Variants in COL4A4 observed in about 807,000 individuals in gnomAD.
COL4A4 encodes collagen type IV alpha 4 chain.
In COL4A4, 105 loss-of-function variants were observed where a neutral mutation model predicts 192.9. The observed-to-expected ratio is 0.54, with a 90% confidence interval of 0.46 to 0.64. COL4A4 has a LOEUF of 0.64. Among genes scored for constraint, COL4A4 ranks in the 30% least tolerant of loss-of-function variants. COL4A4 has a pLI of 0.00. For missense variants in COL4A4, 1,967 were observed against 2,169.3 expected, an observed-to-expected ratio of 0.91 and a Z score of 1.85; for synonymous variants, 762 against 769.9, an observed-to-expected ratio of 0.99 and a Z score of 0.17.
chr2:227,055,939 A>G lies in COL4A4; in HGVS notation c.2716+6T>C, dbSNP rs1402647235. On this transcript the variant is annotated splice_donor_region_variant and intron_variant, in intron 30 of 47. Coordinates refer to ENST00000396625, the MANE Select transcript of COL4A4 (RefSeq NM_000092.5). ...GGGAGGACATCATGGAAAAAGCACTACCTACCCTTTGGACCTGGAGGACCA... is the reference window on the plus strand; with the variant it reads ...GGGAGGACATCATGGAAAAAGCACTGCCTACCCTTTGGACCTGGAGGACCA... 1.2e-6 allele frequency: 2 copies of G among 1,613,228 alleles called. No individual in the cohort carries two copies. The highest frequency in any genetic ancestry group is 1.7e-5 in the Admixed American group (1 of 59,892).
At chr2:226,979,123 AG>A in the COL4A4 span, among the ~76,000 whole-genome samples, 2 of 152,192 alleles carry the variant, frequency 1.3e-5, no homozygotes, top group African/African-American at 4.8e-5. Flanking sequence ...CTCAAAACAA[AG>A]GAAACCTGCA....
At chr2:226,979,526 G>A in the COL4A4 span, among the ~76,000 whole-genome samples, 2 of 152,140 alleles carry the variant, frequency 1.3e-5, no homozygotes, top group African/African-American at 4.8e-5. Context: ...AGATTCTCTA[G>A]GAGCCCGTTT....
chr2:227,029,823 T>G (rs1967867461), intron 41 of COL4A4, among the ~76,000 whole-genome samples: 2 of 152,298 alleles, frequency 1.3e-5, no homozygotes, highest in South Asian at 4.2e-4. Flanking sequence ...ATTCAGTGAT[T>G]CGGGATCTTT....
intron 12 of COL4A4, among the ~76,000 whole-genome samples, chr2:227,107,666 T>C (rs1384456983): frequency 6.6e-6 from 1 of 152,150 alleles, no homozygotes; most frequent in South Asian, 2.1e-4. Flanking sequence ...ATGCTTAATA[T>C]TGACTTGCCC....
chr2:227,026,701 G>A (rs773731838), intron 42 of COL4A4, among the ~76,000 whole-genome samples: 1 of 151,944 alleles, frequency 6.6e-6, no homozygotes, highest in Non-Finnish European at 1.5e-5. Flanking sequence ...AAATACACAT[G>A]TCTGTTTGCC....
At chr2:227,043,321 C>T (rs1054754776) in intron 35 of COL4A4, 137 bp from the exon 36 acceptor site, 4 of 763,524 alleles carry the variant, frequency 5.2e-6, no homozygotes, top group African/African-American at 1.7e-5. Context: ...AGGAAAATAA[C>T]GTTAAGGAAA....
the COL4A4 span, among the ~76,000 whole-genome samples, chr2:226,990,237 A>C: frequency 6.6e-6 from 1 of 152,182 alleles, no homozygotes; most frequent in Non-Finnish European, 1.5e-5. Flanking sequence ...ATGACTTAAC[A>C]ACCATCCTTT....
In COL4A4 at chr2:227,118,652, C is replaced by A. The variant is rs745672795; in HGVS notation, c.482G>T (p.Gly161Val). The A allele has an allele frequency of 1.1e-5, 17 of 1,612,096 alleles. No homozygotes were observed. Among genetic ancestry groups the A allele is most frequent in the Admixed American group, 5.0e-5 (3 of 60,014 alleles). The change falls in exon 7 of 48, where the codon GGC becomes GTC. Residue 161 changes from glycine to valine, a missense_variant. Physicochemically the swap from Gly to Val is moderately radical, Grantham distance 109. Transcript: ENST00000396625. ...GAACTGTGGGTATCTTACTAGGGGG[C>A]CTCCTGGGCCAAGAGCTCCTCTTCC... is the stretch of plus-strand genomic sequence containing the variant. Reference protein sequence around the residue: ...PGGRGALGPGGPLGHPGEKGE... With the variant: ...PGGRGALGPGVPLGHPGEKGE...
intron 4 of COL4A4, among the ~76,000 whole-genome samples, chr2:227,122,304 C>T (rs1164083659): frequency 1.3e-5 from 2 of 152,160 alleles, no homozygotes; most frequent in Non-Finnish European, 2.9e-5. Flanking sequence ...GTCAAGAGTT[C>T]GACTTGCAAT....
chr2:227,010,248 A>T (rs1281380678), intron 46 of COL4A4, 65 bp downstream of exon 46: 2 of 1,523,104 alleles, frequency 1.3e-6, no homozygotes, highest in Non-Finnish European at 1.8e-6. Context: ...GTGCTGATGA[A>T]TCAGTAAAAT....
intron 25 of COL4A4, among the ~76,000 whole-genome samples, chr2:227,067,503 T>C (rs2058421852): frequency 1.3e-5 from 2 of 152,056 alleles, no homozygotes; most frequent in East Asian, 3.9e-4. Flanking sequence ...AGAACAGAAA[T>C]TATAACAAAC....
At chr2:227,020,881 T>TTTTTTTTTC (rs1965884163) in intron 44 of COL4A4, among the ~76,000 whole-genome samples, 3 of 132,310 alleles carry the variant, frequency 2.3e-5, no homozygotes, top group African/African-American at 9.6e-5. Context: ...CACTTTTTTC[T>TTTTTTTTTC]TTTTTTTTTT....
chr2:227,059,476 C>A lies in COL4A4; in HGVS notation c.2312G>T (p.Gly771Val). The change falls in exon 28 of 48, where the codon GGA becomes GTA. Residue 771 changes from glycine to valine, a missense_variant. Transcript: ENST00000396625. Reference protein sequence around the residue: ...DPAFGHLGPPGKRGLSGVPGI... With the variant: ...DPAFGHLGPPVKRGLSGVPGI... ...TGGCACTCCTGAAAGACCCCTCTTT[C>A]CCGGGGGTCCCAGGTGACCAAATGC... 1 of 1,614,182 alleles carries A rather than the reference C, an allele frequency of 6.2e-7. No individual in the cohort carries two copies. The highest frequency in any genetic ancestry group is 8.5e-7 in the Non-Finnish European group (1 of 1,180,034).
rs1309282349 is a variant in COL4A4 at position 227,032,144 on chromosome 2, T to C, written c.3706+4A>G. ...AAAGAAGGGCAAAGCATGCTACAGC[T>C]TACCTGGGGGTCCTGGGGGACCTTT... is the stretch of plus-strand genomic sequence containing the variant. On this transcript the variant is annotated splice_donor_region_variant and intron_variant, in intron 39 of 47. Coordinates refer to ENST00000396625, the MANE Select transcript of COL4A4 (RefSeq NM_000092.5). 7.4e-6 allele frequency: 12 copies of C among 1,614,108 alleles called. No homozygotes were observed. The highest frequency in any genetic ancestry group is 1.0e-5 in the Non-Finnish European group (12 of 1,180,048).
intron 4 of COL4A4, among the ~76,000 whole-genome samples, chr2:227,137,859 T>C (rs1046823309): frequency 6.6e-6 from 1 of 152,198 alleles, no homozygotes; most frequent in African/African-American, 2.4e-5. Flanking sequence ...TTTTCCTTTT[T>C]GCATTTGTAC....
Position 227,082,148 on chromosome 2 carries a change from C to A in COL4A4, c.1663G>T (p.Ala555Ser). ...GASGPPGNKG[A>S]KGDMVVSRVK... is the part of the protein sequence containing the mutation. ...CTTGATACAACCATGTCACCCTTCGCCCCTTTGTTGCCAGGTGGTCCAGAG... is the reference window on the plus strand; with the variant it reads ...CTTGATACAACCATGTCACCCTTCGACCCTTTGTTGCCAGGTGGTCCAGAG... Residue 555 changes from alanine to serine, a missense_variant, in exon 23 of 48, where the codon GCG becomes TCG. Physicochemically the swap from Ala to Ser is moderately conservative, Grantham distance 99. Transcript: ENST00000396625. 1.2e-6 allele frequency: 2 copies of A among 1,614,156 alleles called. No homozygotes were observed. The highest frequency in any genetic ancestry group is 1.7e-6 in the Non-Finnish European group (2 of 1,180,012).
intron 12 of COL4A4, among the ~76,000 whole-genome samples, chr2:227,104,638 C>CTTTTT (rs373008018): frequency 1.8e-5 from 2 of 110,336 alleles, no homozygotes; most frequent in African/African-American, 3.4e-5. Context: ...TCTATTAAAA[C>CTTTTT]TTTTTTTTTT....
At chr2:227,125,447 G>T (rs2062030783) in intron 4 of COL4A4, among the ~76,000 whole-genome samples, 1 of 151,934 alleles carries the variant, frequency 6.6e-6, no homozygotes, top group Non-Finnish European at 1.5e-5. Flanking sequence ...GACCTCAAGT[G>T]ATCCTCCTGC....
intron 38 of COL4A4, 142 bp from the exon 39 acceptor site, chr2:227,032,418 A>T (rs544925239): frequency 1.1e-6 from 1 of 875,226 alleles, no homozygotes; most frequent in Non-Finnish European, 1.8e-6. Context: ...TGGTGATCCA[A>T]ATGTCTGCAC....
Sources: allele counts gnomAD v4.1 joint callset (sites outside exome capture counted in the v4.1 genomes callset), GRCh38; gene constraint gnomAD v4.1.1; transcripts MANE v1.5; gene names NCBI Gene and HGNC (gene_info 2026-07-23, HGNC 2026-07-21).